Variants in STAT4 observed in about 807,000 individuals in gnomAD.
STAT4 encodes signal transducer and activator of transcription 4.
Under a neutral mutation model 110.5 loss-of-function variants are expected in STAT4, and 42 were observed. That is an observed-to-expected ratio of 0.38 (90% confidence interval 0.30 to 0.49). The LOEUF is 0.49. Ranked by LOEUF, STAT4 falls within the 20% of genes least tolerant of loss-of-function variation. STAT4 has a pLI of 0.95. For missense variants in STAT4, 632 were observed against 887.9 expected, an observed-to-expected ratio of 0.71 and a Z score of 3.66; for synonymous variants, 284 against 302.2, an observed-to-expected ratio of 0.94 and a Z score of 0.63.
Position 191,138,384 on chromosome 2 carries a change from A to G in STAT4, c.273+8229T>C, listed in dbSNP as rs1276525555. Among the ~76,000 whole-genome samples, 1 of 152,216 alleles carries G rather than the reference A, an allele frequency of 6.6e-6. No homozygotes were observed. The highest frequency in any genetic ancestry group is 1.5e-5 in the Non-Finnish European group (1 of 68,028). On this transcript the variant is annotated intron_variant, in intron 3 of 23. Transcript: ENST00000392320. This position sits in a 1 kb window ranked among gnomAD's most constrained non-coding sequence, Gnocchi z 4.3. The stretch of plus-strand genomic sequence containing the variant: ...GAGATTAACCAAAAAAAGAAGAGAG[A>G]AGATCCAAATAAGATTTCATTTCGC...
At chr2:191,052,114 A>G (rs1696541765) in intron 14 of STAT4, among the ~76,000 whole-genome samples, 1 of 152,184 alleles carries the variant, frequency 6.6e-6, no homozygotes, top group Non-Finnish European at 1.5e-5. Flanking sequence ...ATTTGTGACC[A>G]CAATCCCTGG....
chr2:191,145,085 T>C (rs1465620238), intron 3 of STAT4, among the ~76,000 whole-genome samples: 1 of 152,166 alleles, frequency 6.6e-6, no homozygotes, highest in Non-Finnish European at 1.5e-5. Flanking sequence ...AAATGTGATA[T>C]ACATATATAT....
At chr2:191,136,893 G>A (rs993941394) in intron 3 of STAT4, among the ~76,000 whole-genome samples, 2 of 152,122 alleles carry the variant, frequency 1.3e-5, no homozygotes, top group Admixed American at 6.6e-5. Flanking sequence ...ACAAAAATCA[G>A]TAGCATTTCC....
rs533521879 is a variant in STAT4, at chr2:191,046,856, A to G, written c.1252-5708T>C. Reference sequence around the variant, plus strand: ...CCTTAGTGATAGGATTGTCTGACACAGAGCTCCTAAATTCCTGGAATTTTC... The same window carrying G: ...CCTTAGTGATAGGATTGTCTGACACGGAGCTCCTAAATTCCTGGAATTTTC... On this transcript the variant is annotated intron_variant, in intron 14 of 23. Coordinates refer to ENST00000392320, the MANE Select transcript of STAT4 (RefSeq NM_003151.4). The surrounding 1 kb of genome is among the most constrained non-coding windows in gnomAD (Gnocchi z 4.6). Among the ~76,000 whole-genome samples, 1 of 152,198 alleles carries G rather than the reference A, an allele frequency of 6.6e-6. No homozygotes were observed. The highest frequency in any genetic ancestry group is 2.4e-5 in the African/African-American group (1 of 41,494).
intron 3 of STAT4, among the ~76,000 whole-genome samples, chr2:191,132,596 A>C (rs1251964869): frequency 6.6e-6 from 1 of 151,730 alleles, no homozygotes; most frequent in Non-Finnish European, 1.5e-5. Context: ...AACTAACAAA[A>C]TATAAATGAT....
At position 191,122,327 on chromosome 2, in the gene STAT4, G is replaced by GAA. The variant is rs71030324; in HGVS notation, c.273+24284_273+24285dup. Among the ~76,000 whole-genome samples, 4 of 139,858 alleles carry GAA rather than the reference G, an allele frequency of 2.9e-5. No individual in the cohort carries two copies. The East Asian group carries it at 6.2e-4, about 22-fold the overall frequency. 91.8% of individuals were successfully genotyped at this position (139,858 alleles called of 152,430 possible). On this transcript the variant is annotated intron_variant, in intron 3 of 23. Coordinates refer to ENST00000392320, the MANE Select transcript of STAT4 (RefSeq NM_003151.4). Reference sequence around the variant, plus strand: ...AGACACACCCTGAATTCATAAAAATGAAAAAAAAAAAAAAGACTGGCAATA... The same window carrying GAA: ...AGACACACCCTGAATTCATAAAAATGAAAAAAAAAAAAAAAAGACTGGCAATA...
At chr2:191,034,476 T>G in intron 18 of STAT4, 72 bp downstream of exon 18, 1 of 1,110,294 alleles carries the variant, frequency 9.0e-7, no homozygotes, top group Non-Finnish European at 1.4e-6. Flanking sequence ...AAACCCCATG[T>G]AGTAATAGAC....
In STAT4 at chr2:191,066,891, G is replaced by C. The variant is rs1469574568; in HGVS notation, c.545-376C>G. 6.6e-6 allele frequency among the ~76,000 whole-genome samples: 1 copy of C among 151,968 alleles called. No individual in the cohort carries two copies. The highest frequency in any genetic ancestry group is 1.5e-5 in the Non-Finnish European group (1 of 67,992). On this transcript the variant is annotated intron_variant, in intron 6 of 23. Coordinates refer to ENST00000392320, the MANE Select transcript of STAT4 (RefSeq NM_003151.4). The surrounding 1 kb of genome is among the most constrained non-coding windows in gnomAD (Gnocchi z 4.3). ...GTAAGGAAAGCAGGGATCACCCTTT[G>C]TGCCCCTGATTAAATCATATTTGAC...
intron 14 of STAT4, 189 bp from the exon 15 acceptor site, chr2:191,041,337 C>T (rs986780694): frequency 5.4e-5 from 13 of 241,778 alleles, no homozygotes; most frequent in African/African-American, 2.7e-4. Context: ...ATCTTCATTT[C>T]CCCAAACAGA....
intron 14 of STAT4, among the ~76,000 whole-genome samples, chr2:191,047,688 CAG>C (rs1696387568): frequency 6.6e-6 from 1 of 152,122 alleles, no homozygotes; most frequent in Non-Finnish European, 1.5e-5. Flanking sequence ...CTTTTTGAGA[CAG>C]AGTCTTGCTC....
At position 191,150,955 on chromosome 2, in the gene STAT4, C is replaced by T; in HGVS notation, c.-10G>A. Reference sequence around the variant, plus strand: ...GTGGTCTGGCCACTTACCTAGCGCTCTCTCAGCACAGGTCCCAGGCAGTGC... The same window carrying T: ...GTGGTCTGGCCACTTACCTAGCGCTTTCTCAGCACAGGTCCCAGGCAGTGC... On this transcript the variant is annotated 5_prime_UTR_variant, in exon 1 of 24. Coordinates refer to ENST00000392320, the MANE Select transcript of STAT4 (RefSeq NM_003151.4). This position sits in a 1 kb window ranked among gnomAD's most constrained non-coding sequence, Gnocchi z 6.4. 3 of 985,730 alleles carry T rather than the reference C, an allele frequency of 3.0e-6. No homozygotes were observed. Among genetic ancestry groups the T allele is most frequent in the Non-Finnish European group, 3.6e-6 (3 of 830,088 alleles). 61.1% of individuals were successfully genotyped at this position (985,730 alleles called of 1,614,324 possible). A position where few individuals can be genotyped will look rare whatever the true frequency, so the allele number is the denominator to read the frequency against.
intron 3 of STAT4, among the ~76,000 whole-genome samples, chr2:191,111,863 G>T (rs900323156): frequency 2.0e-5 from 3 of 151,906 alleles, no homozygotes; most frequent in Non-Finnish European, 4.4e-5. Flanking sequence ...CTATCTGTTA[G>T]AAAAAAAGAA....
In STAT4 at chr2:191,050,554, G is replaced by C. The variant is rs116135660; in HGVS notation, c.1251+3936C>G. On this transcript the variant is annotated intron_variant, in intron 14 of 23. Coordinates refer to ENST00000392320, the MANE Select transcript of STAT4 (RefSeq NM_003151.4). This position sits in a 1 kb window ranked among gnomAD's most constrained non-coding sequence, Gnocchi z 4.3. The stretch of plus-strand genomic sequence containing the variant: ...GAGGATTAAAGAATCTTAGTCAAAG[G>C]GACTTCAGAGATTGTCTAGTCCAAT... Among the ~76,000 whole-genome samples, 858 of 151,742 alleles carry C rather than the reference G, an allele frequency of 5.7e-3. 10 individuals carry two copies. Among genetic ancestry groups the C allele is most frequent in the African/African-American group, 0.02 (816 of 41,390 alleles).
intron 3 of STAT4, among the ~76,000 whole-genome samples, chr2:191,137,385 T>C (rs979525750): frequency 2.0e-5 from 3 of 152,178 alleles, no homozygotes; most frequent in South Asian, 2.1e-4. Context: ...GACATCTCTA[T>C]GTTCATGGAT....
chr2:191,089,011 T>C (rs1697714444), intron 3 of STAT4, among the ~76,000 whole-genome samples: 1 of 152,158 alleles, frequency 6.6e-6, no homozygotes, highest in South Asian at 2.1e-4. Context: ...GAAAATAATC[T>C]AGATGACCTT....
chr2:191,094,400 ACT>A (rs1697898951), intron 3 of STAT4, among the ~76,000 whole-genome samples: 1 of 152,140 alleles, frequency 6.6e-6, no homozygotes, highest in Admixed American at 6.5e-5. Flanking sequence ...CTCAGCAGAA[ACT>A]CTACAAGCCA....
chr2:191,064,769 T>G, intron 8 of STAT4, 38 bp downstream of exon 8: 1 of 1,594,058 alleles, frequency 6.3e-7, no homozygotes. Flanking sequence ...TTGTGTTTCC[T>G]GTGGTTTTCA....
upstream of STAT4, chr2:191,151,328 A>G: frequency 2.0e-6 from 2 of 985,594 alleles, no homozygotes; most frequent in Non-Finnish European, 2.4e-6. This position sits in a 1 kb window ranked among gnomAD's most constrained non-coding sequence, Gnocchi z 4.7. Flanking sequence ...CTGCAGAGTT[A>G]CTTACCTGGA....
rs1020995592 is a variant in STAT4 at position 191,083,175 on chromosome 2, G to A, written c.274-6850C>T. Among the ~76,000 whole-genome samples the A allele has an allele frequency of 3.3e-5, 5 of 152,180 alleles. No individual in the cohort carries two copies. The highest frequency in any genetic ancestry group is 9.6e-5 in the African/African-American group (4 of 41,458). On this transcript the variant is annotated intron_variant, in intron 3 of 23. Coordinates refer to ENST00000392320, the MANE Select transcript of STAT4 (RefSeq NM_003151.4). This position sits in a 1 kb window ranked among gnomAD's most constrained non-coding sequence, Gnocchi z 4.6. ...TGAGACAAGGATTCCAGTGCAAGTC[G>A]TTTAAGTGGGAGTTGGTCCCACAAA...
Sources: allele counts gnomAD v4.1 joint callset (sites outside exome capture counted in the v4.1 genomes callset), GRCh38; gene constraint gnomAD v4.1.1; non-coding constraint Gnocchi (gnomAD v3.1); transcripts MANE v1.5; gene names NCBI Gene and HGNC (gene_info 2026-07-23, HGNC 2026-07-21).